The following PRKAR1B variants were observed in gnomAD, a reference collection of about 807,000 sequenced individuals.
The protein encoded by PRKAR1B is cAMP-dependent protein kinase type I-beta regulatory subunit.
Under a neutral mutation model 46.5 loss-of-function variants are expected in PRKAR1B, and 22 were observed. That is an observed-to-expected ratio of 0.47 (90% confidence interval 0.34 to 0.68). The LOEUF is 0.68. PRKAR1B is among the 30% of genes least tolerant of loss of function. PRKAR1B has a pLI of 0.01. For synonymous variants in PRKAR1B, 259 were observed against 217.7 expected, an observed-to-expected ratio of 1.19 and a Z score of -1.67; for missense variants, 445 against 535.6, an observed-to-expected ratio of 0.83 and a Z score of 1.67.
chr7:659,028 A>C (rs1371145000), intron 4 of PRKAR1B, among the ~76,000 whole-genome samples: 1 of 152,176 alleles, frequency 6.6e-6, no homozygotes, highest in Non-Finnish European at 1.5e-5. Context: ...TCATGACACC[A>C]GGCAAATAAA....
chr7:596,090 G>A, intron 7 of PRKAR1B, 56 bp downstream of exon 7: 1 of 1,576,516 alleles, frequency 6.3e-7, no homozygotes, highest in Middle Eastern at 1.9e-4. Context: ...AGGGTTCCCA[G>A]GGACGCCTGG....
chr7:664,443 C>T (rs1264673583), intron 4 of PRKAR1B, among the ~76,000 whole-genome samples: 1 of 152,216 alleles, frequency 6.6e-6, no homozygotes, highest in Non-Finnish European at 1.5e-5. Flanking sequence ...TGCACCTTCT[C>T]TGGGCCTCGG....
chr7:564,884 C>T (rs1164237064), intron 9 of PRKAR1B, among the ~76,000 whole-genome samples: 4 of 152,146 alleles, frequency 2.6e-5, no homozygotes, highest in African/African-American at 9.7e-5. Flanking sequence ...GGACGGGAGC[C>T]CAGGGGTATT....
At chr7:585,756 C>T (rs1324719057) in intron 7 of PRKAR1B, among the ~76,000 whole-genome samples, 2 of 152,058 alleles carry the variant, frequency 1.3e-5, no homozygotes, top group African/African-American at 2.4e-5. Flanking sequence ...ACTGCAGCTC[C>T]GCAGGGCTGA....
At chr7:654,369 CCAT>C (rs1447956795) in intron 4 of PRKAR1B, among the ~76,000 whole-genome samples, 9 of 148,750 alleles carry the variant, frequency 6.1e-5, no homozygotes, top group South Asian at 2.2e-4. Flanking sequence ...ACTGTCATTA[CCAT>C]CATCATTTCT....
chr7:663,055 C>G (rs1785703480), intron 4 of PRKAR1B, among the ~76,000 whole-genome samples: 1 of 151,140 alleles, frequency 6.6e-6, no homozygotes, highest in South Asian at 2.2e-4. Flanking sequence ...TTAGTCCCCC[C>G]TCTTCTTTGC....
chr7:630,550 T>C (rs1783676809), intron 4 of PRKAR1B, among the ~76,000 whole-genome samples: 1 of 152,212 alleles, frequency 6.6e-6, no homozygotes, highest in Non-Finnish European at 1.5e-5. Context: ...TTGTTATTAT[T>C]GTTTTAATTT....
intron 9 of PRKAR1B, among the ~76,000 whole-genome samples, chr7:552,378 C>A (rs1189579922): frequency 7.7e-6 from 1 of 129,258 alleles, no homozygotes; most frequent in East Asian, 2.4e-4. Context: ...CACCTCCCGC[C>A]CGGGTCCTTC....
chr7:596,357 T>G (rs1781265869), intron 6 of PRKAR1B, 53 bp from the exon 7 acceptor site: 6 of 1,564,986 alleles, frequency 3.8e-6, no homozygotes, highest in Non-Finnish European at 4.3e-6. Context: ...GGTGACCTCC[T>G]CTGCATCCCA....
At chr7:561,189 ACACACACCC>A (rs942449954) in intron 9 of PRKAR1B, among the ~76,000 whole-genome samples, 12 of 151,568 alleles carry the variant, frequency 7.9e-5, no homozygotes, top group African/African-American at 2.9e-4. Context: ...ACACACATGC[ACACACACCC>A]CACACACATG....
At chr7:635,684 A>G (rs1050712795) in intron 4 of PRKAR1B, among the ~76,000 whole-genome samples, 1 of 152,156 alleles carries the variant, frequency 6.6e-6, no homozygotes, top group Non-Finnish European at 1.5e-5. Flanking sequence ...TGATGGCTGC[A>G]GGACGGTCTT....
chr7:592,602 G>C (rs554253449), intron 7 of PRKAR1B, among the ~76,000 whole-genome samples: 1 of 152,360 alleles, frequency 6.6e-6, no homozygotes, highest in East Asian at 1.9e-4. Flanking sequence ...CAAAGACTCA[G>C]GTTCCAAGGG....
At chr7:550,687 C>T (rs1036756736) in intron 10 of PRKAR1B, 85 bp from the exon 11 acceptor site, 53 of 1,208,976 alleles carry the variant, frequency 4.4e-5, no homozygotes, top group Admixed American at 3.5e-4. Context: ...ACCCTGGAAG[C>T]GGCTCCCTTT....
At chr7:673,989 G>T (rs1259962220) in intron 4 of PRKAR1B, among the ~76,000 whole-genome samples, 7 of 152,168 alleles carry the variant, frequency 4.6e-5, no homozygotes, top group African/African-American at 1.4e-4. Flanking sequence ...CCTTCTGTGT[G>T]TGGCATCTCC....
intron 9 of PRKAR1B, 155 bp downstream of exon 9, chr7:579,101 G>A: frequency 1.0e-6 from 1 of 985,476 alleles, no homozygotes; most frequent in Non-Finnish European, 1.2e-6. Flanking sequence ...TGAGGCCACA[G>A]ACCACCCACC....
rs370360007 is a variant in PRKAR1B, at chr7:676,112, T to C, written c.440+1117A>G. On this transcript the variant is annotated intron_variant, in intron 4 of 10. Transcript: ENST00000537384. Reference sequence around the variant, plus strand: ...AAAACAGGGTAGAATGAGATGCTGTTACCGACGGGATCTGTGCACAAGGGC... The same window carrying C: ...AAAACAGGGTAGAATGAGATGCTGTCACCGACGGGATCTGTGCACAAGGGC... Among the ~76,000 whole-genome samples, 31 of 152,216 alleles carry C rather than the reference T, an allele frequency of 2.0e-4. No homozygotes were observed. The East Asian group carries it at 4.8e-3, about 24-fold the overall frequency.
At chr7:663,853 C>G (rs1313619878) in intron 4 of PRKAR1B, among the ~76,000 whole-genome samples, 2 of 152,186 alleles carry the variant, frequency 1.3e-5, no homozygotes, top group African/African-American at 4.8e-5. Flanking sequence ...TTACAACTGC[C>G]TCCCGAATCG....
intron 7 of PRKAR1B, among the ~76,000 whole-genome samples, chr7:592,597 A>G (rs943301833): frequency 2.6e-5 from 4 of 152,090 alleles, no homozygotes; most frequent in African/African-American, 9.7e-5. Flanking sequence ...TCCACCAAAG[A>G]CTCAGGTTCC....
At chr7:600,804 G>A (rs890731624) in intron 6 of PRKAR1B, among the ~76,000 whole-genome samples, 1 of 152,240 alleles carries the variant, frequency 6.6e-6, no homozygotes, top group Admixed American at 6.5e-5. Flanking sequence ...AGGGAGCTAC[G>A]TTCCCAGGCC....
Sources: gnomAD v4.1 joint callset for allele counts (sites outside exome capture counted in the v4.1 genomes callset) on GRCh38, gnomAD v4.1.1 for gene constraint, MANE v1.5 for transcripts, NCBI Gene and HGNC (gene_info 2026-07-23, HGNC 2026-07-21) for gene names.